The following SH2D4A variants were observed in gnomAD, a reference collection of about 807,000 sequenced individuals.
SH2D4A encodes SH2 domain containing 4A, also known as SH2 domain-containing protein 4A.
In SH2D4A, 70 loss-of-function variants were observed where a neutral mutation model predicts 64.7. The observed-to-expected ratio is 1.08, with a 90% CI of 0.89 to 1.32. SH2D4A has a LOEUF of 1.32. Among genes scored for constraint, SH2D4A ranks in the 40% most tolerant of loss-of-function variants. SH2D4A has a pLI of 0.00. For missense variants in SH2D4A, 706 were observed against 540.1 expected, an observed-to-expected ratio of 1.31 and a Z score of -3.04; for synonymous variants, 268 against 200.7, an observed-to-expected ratio of 1.34 and a Z score of -2.83.
At chr8:19,386,949 C>T (rs909171705) in intron 8 of SH2D4A, among the ~76,000 whole-genome samples, 6 of 147,644 alleles carry the variant, frequency 4.1e-5, no homozygotes, top group Non-Finnish European at 6.0e-5. Context: ...CCAGATGATA[C>T]TTTTTGTTGT....
At chr8:19,345,311 T>C (rs531824720) in intron 4 of SH2D4A, among the ~76,000 whole-genome samples, 20 of 151,064 alleles carry the variant, frequency 1.3e-4, no homozygotes, top group African/African-American at 4.9e-4. Context: ...GACTTCTCAG[T>C]AGTTTCACTC....
chr8:19,378,911 CAAA>C (rs375441883), intron 8 of SH2D4A, among the ~76,000 whole-genome samples: 14 of 103,070 alleles, frequency 1.4e-4, no homozygotes, highest in Admixed American at 5.3e-4. Context: ...CCCATCTCTC[CAAA>C]AAAAAAAAAA....
At chr8:19,348,899 A>G (rs2117249924) in intron 4 of SH2D4A, among the ~76,000 whole-genome samples, 1 of 152,288 alleles carries the variant, frequency 6.6e-6, no homozygotes. Flanking sequence ...CCAGTGTGGC[A>G]TTGCCTGGTT....
rs373711613 is a variant in SH2D4A, at chr8:19,343,457, T to A, written c.513+8600T>A. On this transcript the variant is annotated intron_variant, in intron 4 of 9. Coordinates refer to ENST00000265807, the MANE Select transcript of SH2D4A (RefSeq NM_022071.4). ...CCAACAAACAAAAACTGGGATTTTTTAAAAACTTGCCTTGTTTATCTCATG... is the reference window on the plus strand; with the variant it reads ...CCAACAAACAAAAACTGGGATTTTTAAAAAACTTGCCTTGTTTATCTCATG... 3.5e-4 allele frequency among the ~76,000 whole-genome samples: 53 copies of A among 152,192 alleles called. 1 individual carries two copies. The highest frequency in any genetic ancestry group is 1.2e-3 in the African/African-American group (51 of 41,520).
chr8:19,353,273 C>G (rs963158795), intron 4 of SH2D4A, among the ~76,000 whole-genome samples: 7 of 152,014 alleles, frequency 4.6e-5, no homozygotes, highest in Non-Finnish European at 1.5e-5. Context: ...TTCATCCTGC[C>G]TCTAGGAGTG....
chr8:19,388,960 G>C (rs17387732), intron 8 of SH2D4A, among the ~76,000 whole-genome samples: 1 of 152,050 alleles, frequency 6.6e-6, no homozygotes, highest in Non-Finnish European at 1.5e-5. Flanking sequence ...TGGATGGAGG[G>C]GAAAACTAGC....
At chr8:19,379,537 G>A (rs2053255086) in intron 8 of SH2D4A, among the ~76,000 whole-genome samples, 1 of 152,158 alleles carries the variant, frequency 6.6e-6, no homozygotes, top group African/African-American at 2.4e-5. Context: ...TTTACCCAGA[G>A]GTGGAATTTC....
chr8:19,393,193 T>TA (rs2053522335), intron 8 of SH2D4A, 125 bp from the exon 9 acceptor site: 6 of 817,336 alleles, frequency 7.3e-6, no homozygotes, highest in African/African-American at 1.7e-5. Flanking sequence ...AAAACAGACT[T>TA]AAAATTGCTC....
At chr8:19,346,318 G>C (rs1281727252) in intron 4 of SH2D4A, among the ~76,000 whole-genome samples, 1 of 152,164 alleles carries the variant, frequency 6.6e-6, no homozygotes, top group Non-Finnish European at 1.5e-5. Flanking sequence ...TACTCCCTGG[G>C]CCCCGCCTCC....
intron 8 of SH2D4A, chr8:19,375,218 A>C (rs1036413564): frequency 3.3e-5 from 5 of 152,226 alleles, no homozygotes; most frequent in Non-Finnish European, 7.3e-5. Context: ...CTGTATAATT[A>C]ATAACCATTA....
intron 8 of SH2D4A, among the ~76,000 whole-genome samples, chr8:19,379,535 G>C (rs557018272): frequency 1.4e-4 from 22 of 152,294 alleles, no homozygotes; most frequent in Admixed American, 1.3e-3. Context: ...TATTTACCCA[G>C]AGGTGGAATT....
At chr8:19,335,992 G>T (rs1001297745) in intron 4 of SH2D4A, among the ~76,000 whole-genome samples, 2 of 152,134 alleles carry the variant, frequency 1.3e-5, no homozygotes, top group African/African-American at 2.4e-5. Context: ...ACTTCTTTGA[G>T]GCTATCATAT....
intron 8 of SH2D4A, among the ~76,000 whole-genome samples, chr8:19,390,056 A>T (rs1261946921): frequency 2.6e-5 from 4 of 152,284 alleles, no homozygotes; most frequent in African/African-American, 9.6e-5. Flanking sequence ...GCAAAGGGCA[A>T]TGCAGGGGAC....
At chr8:19,360,016 C>T (rs2052854730) in intron 5 of SH2D4A, among the ~76,000 whole-genome samples, 1 of 152,160 alleles carries the variant, frequency 6.6e-6, no homozygotes, top group South Asian at 2.1e-4. Context: ...ACTGTAAATT[C>T]AGTCGTCTTG....
intron 4 of SH2D4A, among the ~76,000 whole-genome samples, chr8:19,349,741 G>A (rs955671013): frequency 6.6e-6 from 1 of 152,186 alleles, no homozygotes; most frequent in African/African-American, 2.4e-5. Context: ...TATGAATATA[G>A]TTTTCTATTG....
At position 19,361,291 on chromosome 8, in the gene SH2D4A, A is replaced by G. The variant is rs372895939; in HGVS notation, c.683A>G (p.Glu228Gly). ...AAGCAGATTTGTAAGAGCTGGAAAG[A>G]AGACTCGGAATGGCAGGCATCTCGT... The part of the protein sequence containing the change: ...RTKQICKSWK[E>G]DSEWQASLRK... The change falls in exon 6 of 10, where the codon GAA (glutamate) becomes GGA (glycine). Residue 228 changes from glutamate (E) to glycine (G), a missense_variant. Coordinates refer to ENST00000265807, the MANE Select transcript of SH2D4A (RefSeq NM_022071.4). 3 of 1,611,834 alleles carry G rather than the reference A, an allele frequency of 1.9e-6. No homozygotes were observed. In the African/African-American group the frequency reaches 4.0e-5, roughly 22 times the overall value.
At chr8:19,378,861 C>T (rs1244316007) in intron 8 of SH2D4A, among the ~76,000 whole-genome samples, 1 of 142,056 alleles carries the variant, frequency 7.0e-6, no homozygotes, top group Non-Finnish European at 1.5e-5. Flanking sequence ...GCAACTTAAA[C>T]ATGGCAAATT....
At chr8:19,330,328 C>A (rs1256126514) in intron 2 of SH2D4A, among the ~76,000 whole-genome samples, 3 of 152,178 alleles carry the variant, frequency 2.0e-5, no homozygotes, top group Non-Finnish European at 4.4e-5. Context: ...CATTGAAGAG[C>A]TCTTAGAGGT....
In SH2D4A at chr8:19,371,901, T is replaced by C. The variant is rs79269367; in HGVS notation, c.918-1629T>C. On this transcript the variant is annotated intron_variant, in intron 7 of 9. Transcript: ENST00000265807. ...GATTTTTTAAAATTACTTCAGTCTTTCTGCTACATTTCCCTGATAAATTTT... is the reference window on the plus strand; with the variant it reads ...GATTTTTTAAAATTACTTCAGTCTTCCTGCTACATTTCCCTGATAAATTTT... Among the ~76,000 whole-genome samples, 1,244 of 152,332 alleles carry C rather than the reference T, an allele frequency of 8.2e-3. 15 individuals are homozygous for C. The highest frequency in any genetic ancestry group is 0.028 in the African/African-American group (1,183 of 41,572).
Sources: gnomAD v4.1 joint callset for allele counts (sites outside exome capture counted in the v4.1 genomes callset) on GRCh38, gnomAD v4.1.1 for gene constraint, MANE v1.5 for transcripts, NCBI Gene and HGNC (gene_info 2026-07-23, HGNC 2026-07-21) for gene names.